Variants in DLGAP2 observed in about 807,000 individuals in gnomAD.
DLGAP2 encodes the protein DLG associated protein 2.
In DLGAP2, 26 loss-of-function variants were observed where a neutral mutation model predicts 100.3. The observed-to-expected ratio is 0.26, with a 90% confidence interval of 0.19 to 0.36. The LOEUF is 0.36. DLGAP2 is among the 10% of genes least tolerant of loss of function. The probability of loss-of-function intolerance (pLI) is 1.00; values close to 1 mark genes in which losing one functional copy is unlikely to be tolerated. For missense variants in DLGAP2, 1,858 were observed against 1,453.2 expected, an observed-to-expected ratio of 1.28 and a Z score of -4.53; for synonymous variants, 886 against 630.1, an observed-to-expected ratio of 1.41 and a Z score of -6.08.
intron 1 of DLGAP2, among the ~76,000 whole-genome samples, chr8:744,211 C>G (rs1363181955): frequency 6.6e-6 from 1 of 152,186 alleles, no homozygotes; most frequent in Non-Finnish European, 1.5e-5. Flanking sequence ...GAGGCAGCGT[C>G]TCCTCTCCAC....
chr8:1,549,950 G>C (rs866596843), intron 5 of DLGAP2, among the ~76,000 whole-genome samples: 1 of 152,126 alleles, frequency 6.6e-6, no homozygotes, highest in African/African-American at 2.4e-5. Flanking sequence ...TGCAGTTACC[G>C]TGCTGGCCAA....
intron 10 of DLGAP2, 30 bp downstream of exon 10, chr8:1,669,814 G>T (rs747132974): frequency 6.4e-6 from 5 of 780,754 alleles, no homozygotes; most frequent in East Asian, 4.8e-5. Context: ...CCAAAGCCGC[G>T]TCCGCATGAC....
chr8:817,238 G>T (rs554834519), intron 1 of DLGAP2, among the ~76,000 whole-genome samples: 2 of 152,050 alleles, frequency 1.3e-5, no homozygotes, highest in South Asian at 4.1e-4. Flanking sequence ...TCTTTCTTCA[G>T]TTTGTTCTAT....
chr8:1,283,329 G>T, intron 3 of DLGAP2, among the ~76,000 whole-genome samples: 1 of 152,238 alleles, frequency 6.6e-6, no homozygotes, highest in African/African-American at 2.4e-5. Context: ...GGTGTGATCT[G>T]AACCCAGCGC....
intron 2 of DLGAP2, among the ~76,000 whole-genome samples, chr8:1,085,820 T>C (rs7001173): frequency 0.026 from 3,897 of 152,278 alleles, 156 homozygotes; most frequent in African/African-American, 0.09. Flanking sequence ...CATTGGTGTT[T>C]TAATAGTGCT....
intron 5 of DLGAP2, among the ~76,000 whole-genome samples, chr8:1,554,776 C>G (rs2956965): frequency 5.3e-5 from 8 of 151,492 alleles, no homozygotes; most frequent in Admixed American, 2.0e-4. Flanking sequence ...CCCAGCCCCC[C>G]CTCCCCCGCG....
At chr8:1,373,268 G>A (rs963990155) in intron 3 of DLGAP2, among the ~76,000 whole-genome samples, 1 of 151,904 alleles carries the variant, frequency 6.6e-6, no homozygotes, top group African/African-American at 2.4e-5. Flanking sequence ...CCGCCGCCAC[G>A]CGCGTGCGGC....
At position 1,604,714 on chromosome 8, in the gene DLGAP2, A is replaced by G. The variant is rs187255025; in HGVS notation, c.1443-22026A>G. The G allele has an allele frequency of 6.6e-5, 10 of 152,358 alleles. No homozygotes were observed. The East Asian group carries it at 1.5e-3, about 24-fold the overall frequency. The allele number at this position is 152,358 out of a possible 1,614,324, so 9.4% of individuals were successfully genotyped here. On this transcript the variant is annotated intron_variant, in intron 6 of 14. Coordinates refer to ENST00000637795, the MANE Select transcript of DLGAP2 (RefSeq NM_001346810.2). ...AGATTGGGATTTGCAAAACCATCCA[A>G]TGAATGTCTTCTTGTTGCTCCGACA... is the stretch of plus-strand genomic sequence containing the variant.
chr8:1,311,752 G>C (rs1411833142), intron 3 of DLGAP2, among the ~76,000 whole-genome samples: 1 of 151,702 alleles, frequency 6.6e-6, no homozygotes, highest in Non-Finnish European at 1.5e-5. Flanking sequence ...AAATTTCTCA[G>C]TATGATAAAG....
intron 2 of DLGAP2, among the ~76,000 whole-genome samples, chr8:1,229,599 GA>G (rs1798492017): frequency 6.6e-6 from 1 of 151,994 alleles, no homozygotes; most frequent in African/African-American, 2.4e-5. Context: ...TGTGCTTATT[GA>G]TGAACACAGA....
chr8:1,683,834 C>CTATA (rs35210879), intron 12 of DLGAP2, among the ~76,000 whole-genome samples: 684 of 56,002 alleles, frequency 0.012, 41 homozygotes, highest in East Asian at 0.069. Flanking sequence ...CTTTGCTCCA[C>CTATA]TATATATATA....
chr8:1,646,024 G>A (rs1419599884), intron 8 of DLGAP2, among the ~76,000 whole-genome samples: 1 of 152,176 alleles, frequency 6.6e-6, no homozygotes, highest in Non-Finnish European at 1.5e-5. Flanking sequence ...GTGTGATGGT[G>A]GAGTTCATGT....
chr8:802,104 C>CCGTCCT (rs1796174332), intron 1 of DLGAP2, among the ~76,000 whole-genome samples: 1 of 135,622 alleles, frequency 7.4e-6, no homozygotes, highest in Non-Finnish European at 1.6e-5. Flanking sequence ...GGGGAATGGT[C>CCGTCCT]CACACACCTC....
At chr8:957,295 C>G (rs1799618409) in intron 2 of DLGAP2, among the ~76,000 whole-genome samples, 1 of 152,198 alleles carries the variant, frequency 6.6e-6, no homozygotes, top group Non-Finnish European at 1.5e-5. Context: ...CACGGATGAC[C>G]CTGGAAGAGG....
In DLGAP2 at chr8:1,515,394, AC is replaced by A. The variant is rs1316133810; in HGVS notation, c.172+13964del. Among the ~76,000 whole-genome samples the A allele has an allele frequency of 2.6e-5, 4 of 152,272 alleles. No individual in the cohort carries two copies. The East Asian group carries it at 7.7e-4, about 29-fold the overall frequency. ...CATACACATGCACATACATGAACAC[AC>A]AGGCATGCACACAGATGTGCACACA... On this transcript the variant is annotated intron_variant, in intron 4 of 14. Coordinates refer to ENST00000637795, the MANE Select transcript of DLGAP2 (RefSeq NM_001346810.2).
chr8:1,410,972 T>C (rs1031913241), intron 3 of DLGAP2, among the ~76,000 whole-genome samples: 1 of 152,194 alleles, frequency 6.6e-6, no homozygotes, highest in Non-Finnish European at 1.5e-5. Flanking sequence ...AATTGCATAG[T>C]GTTGTACGTT....
chr8:752,874 TGG>T (rs1820827216), intron 1 of DLGAP2, among the ~76,000 whole-genome samples: 1 of 152,138 alleles, frequency 6.6e-6, no homozygotes, highest in African/African-American at 2.4e-5. Context: ...AGGCGACCTC[TGG>T]GGTCCTCAGA....
chr8:786,201 G>A (rs1052905216), intron 1 of DLGAP2, among the ~76,000 whole-genome samples: 1 of 152,168 alleles, frequency 6.6e-6, no homozygotes, highest in Non-Finnish European at 1.5e-5. Flanking sequence ...CTCGGCCTCT[G>A]GCTCATCAGT....
intron 1 of DLGAP2, among the ~76,000 whole-genome samples, chr8:748,645 C>A (rs1820713740): frequency 3.9e-5 from 6 of 152,198 alleles, no homozygotes; most frequent in Non-Finnish European, 1.5e-5. Flanking sequence ...TGACATCCAG[C>A]CCTGCGGTGC....
Sources: allele counts gnomAD v4.1 joint callset (sites outside exome capture counted in the v4.1 genomes callset), GRCh38; gene constraint gnomAD v4.1.1; transcripts MANE v1.5; gene names NCBI Gene and HGNC (gene_info 2026-07-23, HGNC 2026-07-21).